The following EYS variants were observed in gnomAD, a reference collection of about 807,000 sequenced individuals.
The protein encoded by EYS is EGF-like photoreceptor maintenance factor, also known as protein eyes shut homolog.
In EYS, 250 loss-of-function variants were observed where a neutral mutation model predicts 282.1. The observed-to-expected ratio is 0.89, with a 90% CI of 0.80 to 0.98. EYS has a LOEUF of 0.98. Among genes scored for constraint, EYS ranks in the 50% least tolerant of loss-of-function variants. The probability of loss-of-function intolerance (pLI) is 0.00; values close to 1 mark genes in which losing one functional copy is unlikely to be tolerated. For missense variants in EYS, 4,016 were observed against 3,709.0 expected (o/e 1.08, Z -2.15); for synonymous variants, 1,355 against 1,282.9 (o/e 1.06, Z -1.20).
intron 26 of EYS, among the ~76,000 whole-genome samples, chr6:64,470,037 G>A (rs1006248849): frequency 5.9e-5 from 9 of 152,132 alleles, no homozygotes; most frequent in South Asian, 2.1e-4. Flanking sequence ...CGTGACCCAC[G>A]TGACCTTACC....
intron 12 of EYS, among the ~76,000 whole-genome samples, chr6:65,263,449 A>G (rs958147468): frequency 6.6e-6 from 1 of 152,162 alleles, no homozygotes; most frequent in Non-Finnish European, 1.5e-5. Flanking sequence ...GTAATATGAT[A>G]AAGTGTTATT....
chr6:63,856,809 A>G (rs983087419), intron 36 of EYS, among the ~76,000 whole-genome samples: 6 of 152,334 alleles, frequency 3.9e-5, no homozygotes, highest in African/African-American at 1.4e-4. Flanking sequence ...TGTATTTTAT[A>G]AACTTATAAT....
chr6:64,701,339 C>G (rs967978477), intron 22 of EYS, among the ~76,000 whole-genome samples: 2 of 151,920 alleles, frequency 1.3e-5, no homozygotes, highest in Admixed American at 6.6e-5. Context: ...GCAACAACAA[C>G]AAGAAAATAG....
Position 63,794,063 on chromosome 6 carries a change from T to C in EYS, c.7412-4839A>G, listed in dbSNP as rs1430327358. Among the ~76,000 whole-genome samples, 6 of 152,220 alleles carry C rather than the reference T, an allele frequency of 3.9e-5. No homozygotes were observed. In the South Asian group the frequency reaches 1.0e-3, roughly 26 times the overall value. On this transcript the variant is annotated intron_variant, in intron 37 of 42. Coordinates refer to ENST00000503581, the MANE Select transcript of EYS (RefSeq NM_001142800.2). ...AAGGAGAAACAAGTCTGACTGTGGT[T>C]GTGCCCCTCTCTCCCACCTTCAGCA...
intron 12 of EYS, among the ~76,000 whole-genome samples, chr6:65,112,643 A>G (rs1181291648): frequency 6.6e-6 from 1 of 152,160 alleles, no homozygotes; most frequent in Non-Finnish European, 1.5e-5. Context: ...AATGAACACA[A>G]TTTAGAAGGA....
intron 5 of EYS, among the ~76,000 whole-genome samples, chr6:65,480,548 T>C: frequency 1.3e-5 from 2 of 152,322 alleles, no homozygotes; most frequent in South Asian, 4.1e-4. Context: ...GATTATCTAT[T>C]TTATTTACTA....
intron 11 of EYS, among the ~76,000 whole-genome samples, chr6:65,310,548 C>G (rs1769129137): frequency 6.6e-6 from 1 of 151,986 alleles, no homozygotes; most frequent in Non-Finnish European, 1.5e-5. Context: ...TAAAAAAACC[C>G]AAACTCTTCA....
intron 18 of EYS, among the ~76,000 whole-genome samples, chr6:64,889,153 A>T (rs1767195907): frequency 6.6e-6 from 1 of 151,976 alleles, no homozygotes; most frequent in African/African-American, 2.4e-5. Flanking sequence ...GTAGTTTACT[A>T]CTTAATTTAT....
chr6:64,559,937 G>C (rs1049202632), intron 26 of EYS, among the ~76,000 whole-genome samples: 4 of 152,072 alleles, frequency 2.6e-5, no homozygotes, highest in Admixed American at 2.0e-4. Flanking sequence ...GTGGGACCCA[G>C]TGTGTGTTGT....
intron 5 of EYS, among the ~76,000 whole-genome samples, chr6:65,446,953 TTA>T (rs1768685692): frequency 6.6e-6 from 1 of 151,882 alleles, no homozygotes; most frequent in African/African-American, 2.4e-5. Flanking sequence ...TCATATAATA[TTA>T]GTTATCAATT....
intron 2 of EYS, among the ~76,000 whole-genome samples, chr6:65,535,445 T>C (rs1211409334): frequency 6.6e-6 from 1 of 152,124 alleles, no homozygotes; most frequent in Admixed American, 6.6e-5. Context: ...GCACAAGCCC[T>C]CTTGCCTGCT....
At chr6:65,513,436 T>C (rs1198435605) in intron 2 of EYS, among the ~76,000 whole-genome samples, 2 of 152,074 alleles carry the variant, frequency 1.3e-5, no homozygotes, top group African/African-American at 4.8e-5. Flanking sequence ...CCTAACTCAT[T>C]TTAGGAGGCC....
At chr6:64,779,125 G>A (rs1292311198) in intron 22 of EYS, among the ~76,000 whole-genome samples, 1 of 152,004 alleles carries the variant, frequency 6.6e-6, no homozygotes, top group African/African-American at 2.4e-5. Context: ...ATATAATCCA[G>A]CAATTACACT....
chr6:65,027,453 A>C (rs2150141864), intron 13 of EYS, among the ~76,000 whole-genome samples: 1 of 152,298 alleles, frequency 6.6e-6, no homozygotes, highest in Admixed American at 6.5e-5. Flanking sequence ...ACAATAAGTT[A>C]TTACTTAGGG....
intron 12 of EYS, among the ~76,000 whole-genome samples, chr6:65,102,069 G>A (rs1774909893): frequency 6.6e-6 from 1 of 151,140 alleles, no homozygotes; most frequent in South Asian, 2.1e-4. Context: ...AAAGTCAAAA[G>A]AAAAATTAAT....
At chr6:65,139,602 T>A (rs1764273807) in intron 12 of EYS, among the ~76,000 whole-genome samples, 1 of 151,962 alleles carries the variant, frequency 6.6e-6, no homozygotes, top group Non-Finnish European at 1.5e-5. Context: ...TTTAAACAAA[T>A]ACAGACCCGC....
intron 2 of EYS, among the ~76,000 whole-genome samples, chr6:65,611,475 T>C (rs1403176614): frequency 1.3e-5 from 2 of 152,002 alleles, no homozygotes; most frequent in African/African-American, 4.8e-5. Flanking sequence ...AGTTTTATGT[T>C]TAGTTTTCTT....
chr6:64,526,619 T>C (rs1412016440), intron 26 of EYS, among the ~76,000 whole-genome samples: 1 of 151,886 alleles, frequency 6.6e-6, no homozygotes, highest in African/African-American at 2.4e-5. Context: ...TTTTGTTTTC[T>C]GAATTTCATC....
chr6:63,897,942 C>G (rs184015933), intron 35 of EYS, among the ~76,000 whole-genome samples: 1 of 152,220 alleles, frequency 6.6e-6, no homozygotes, highest in Admixed American at 6.5e-5. Context: ...GATGAAGCAG[C>G]TGGAAGCAGA....
Sources: gnomAD v4.1 joint callset for allele counts (sites outside exome capture counted in the v4.1 genomes callset) on GRCh38, gnomAD v4.1.1 for gene constraint, MANE v1.5 for transcripts, NCBI Gene and HGNC (gene_info 2026-07-23, HGNC 2026-07-21) for gene names.